Variants in MAP4K5 observed in about 807,000 individuals in gnomAD.
MAP4K5 encodes the protein mitogen-activated protein kinase kinase kinase kinase 5.
MAP4K5 carries 82 observed loss-of-function variants against 135.6 expected under a neutral mutation model. The ratio of observed to expected loss-of-function variants is 0.60; its 90% CI spans 0.51 to 0.73. The LOEUF is 0.73. Among genes scored for constraint, MAP4K5 ranks in the 30% least tolerant of loss-of-function variants. MAP4K5 has a pLI of 0.00. For missense variants in MAP4K5, 907 were observed against 1,010.9 expected (o/e 0.90, Z 1.39); for synonymous variants, 347 against 335.0 (o/e 1.04, Z -0.39).
chr14:50,438,891 T>C (rs1156498830), intron 23 of MAP4K5, among the ~76,000 whole-genome samples: 1 of 152,130 alleles, frequency 6.6e-6, no homozygotes, highest in Admixed American at 6.6e-5. Flanking sequence ...GTACCCTGTG[T>C]AATTTTTAAG....
chr14:50,527,077 C>T (rs2038281880), intron 2 of MAP4K5, among the ~76,000 whole-genome samples: 1 of 152,160 alleles, frequency 6.6e-6, no homozygotes, highest in Non-Finnish European at 1.5e-5. Context: ...TGTGGTGGCT[C>T]ACCCTGTAAT....
At chr14:50,490,109 GAGAGAC>G (rs1301520819) in intron 3 of MAP4K5, among the ~76,000 whole-genome samples, 1 of 137,324 alleles carries the variant, frequency 7.3e-6, no homozygotes, top group Non-Finnish European at 1.6e-5. Context: ...GACAGACAGA[GAGAGAC>G]AGAGAGCGAG....
Position 50,437,949 on chromosome 14 carries a change from G to GT in MAP4K5, c.1767dup (p.Pro590ThrfsTer29). 2 of 1,612,620 alleles carry GT rather than the reference G, an allele frequency of 1.2e-6. No homozygotes were observed. The highest frequency in any genetic ancestry group is 1.7e-6 in the Non-Finnish European group (2 of 1,179,014). ...GTTTGAATATGGGCAGCTAATCCTGGTTTTTTGGCATGTTCAAACAAAGCT... is the reference window on the plus strand; with the variant it reads ...GTTTGAATATGGGCAGCTAATCCTGGTTTTTTTGGCATGTTCAAACAAAGCT... On this transcript the variant is annotated frameshift_variant, in exon 25 of 33. Coordinates refer to ENST00000682126, the MANE Select transcript of MAP4K5 (RefSeq NM_006575.6). LOFTEE classifies it high-confidence loss of function.
At chr14:50,560,662 G>A (rs1321361573) in intron 1 of MAP4K5, among the ~76,000 whole-genome samples, 1 of 152,238 alleles carries the variant, frequency 6.6e-6, no homozygotes, top group Non-Finnish European at 1.5e-5. Context: ...GGTGGGCAGG[G>A]GGCTGTTGTT....
chr14:50,537,155 A>C (rs1478540338), upstream of MAP4K5, among the ~76,000 whole-genome samples: 1 of 152,178 alleles, frequency 6.6e-6, no homozygotes, highest in Non-Finnish European at 1.5e-5. Flanking sequence ...TGCAGCCTAG[A>C]GACTTGGTGC....
chr14:50,462,197 T>C (rs2036726047), intron 13 of MAP4K5, among the ~76,000 whole-genome samples: 1 of 152,222 alleles, frequency 6.6e-6, no homozygotes, highest in Non-Finnish European at 1.5e-5. Context: ...TTTGTTTTCT[T>C]GGTTGAAAGC....
chr14:50,524,654 A>G (rs1566695434), intron 2 of MAP4K5, among the ~76,000 whole-genome samples: 1 of 152,100 alleles, frequency 6.6e-6, no homozygotes, highest in Non-Finnish European at 1.5e-5. Flanking sequence ...CCCAAAGAGT[A>G]GGCGATAAGA....
upstream of MAP4K5, among the ~76,000 whole-genome samples, chr14:50,534,082 T>C (rs1160532034): frequency 6.6e-6 from 1 of 152,248 alleles, no homozygotes; most frequent in Non-Finnish European, 1.5e-5. Context: ...AAATGTTCTA[T>C]TGGTATCTTA....
At chr14:50,483,474 AG>A (rs1002974045) in intron 5 of MAP4K5, among the ~76,000 whole-genome samples, 48 of 152,096 alleles carry the variant, frequency 3.2e-4, no homozygotes, top group African/African-American at 1.4e-4. Context: ...CTACCCATTC[AG>A]GAACATAAAT....
intron 16 of MAP4K5, among the ~76,000 whole-genome samples, chr14:50,446,617 T>C (rs958852285): frequency 5.9e-5 from 9 of 152,200 alleles, no homozygotes; most frequent in African/African-American, 2.2e-4. Flanking sequence ...CACACACTTA[T>C]CCACAGTCAT....
Position 50,440,388 on chromosome 14 carries a change from C to T in MAP4K5, c.1618G>A (p.Glu540Lys). ...TGTTCCATCGTTGCCTCATGTAGCT[C>T]ATTGAGATTCAGTGTGTAAATACCA... ...EDGIYTLNLN[E>K]LHEATMEQLF... Residue 540 changes from glutamate to lysine, a missense_variant, in exon 22 of 33, where the codon GAG becomes AAG. This residue lies in a region of MAP4K5 where 690 missense variants were observed against 777.4 expected (regional missense o/e 0.89). Transcript: ENST00000682126. 6.2e-7 allele frequency: 1 copy of T among 1,603,862 alleles called. No individual in the cohort carries two copies. Among genetic ancestry groups the T allele is most frequent in the South Asian group, 1.1e-5 (1 of 89,856 alleles).
intron 1 of MAP4K5, chr14:50,559,421 T>C (rs1166875763): frequency 6.6e-6 from 1 of 152,222 alleles, no homozygotes; most frequent in Non-Finnish European, 1.5e-5. Flanking sequence ...AGATTGAAAG[T>C]ATTTTTATTT....
chr14:50,450,123 G>C (rs1486961083), intron 14 of MAP4K5: 1 of 152,016 alleles, frequency 6.6e-6, no homozygotes, highest in African/African-American at 2.4e-5. Flanking sequence ...TCCATTTTCA[G>C]TAGAGATGGG....
intron 18 of MAP4K5, 92 bp downstream of exon 18, chr14:50,444,949 G>T: frequency 1.5e-6 from 2 of 1,314,924 alleles, no homozygotes; most frequent in South Asian, 1.5e-5. Context: ...AGGAACAAAT[G>T]ACTCTCATTT....
chr14:50,513,086 T>C (rs74724314), intron 2 of MAP4K5, among the ~76,000 whole-genome samples: 5,294 of 152,310 alleles, frequency 0.035, 94 homozygotes, highest in Middle Eastern at 0.058. Flanking sequence ...ATTTAACTCT[T>C]ATTAATCAGG....
chr14:50,515,987 A>T (rs939382959), intron 2 of MAP4K5, among the ~76,000 whole-genome samples: 1 of 152,094 alleles, frequency 6.6e-6, no homozygotes, highest in Non-Finnish European at 1.5e-5. Flanking sequence ...ACATCTTCCT[A>T]ATCTAAATCA....
chr14:50,433,908 C>T (rs1056586241), intron 28 of MAP4K5, among the ~76,000 whole-genome samples: 2 of 152,076 alleles, frequency 1.3e-5, no homozygotes, highest in Non-Finnish European at 2.9e-5. Flanking sequence ...AATAAACTTC[C>T]CATTTTTTTC....
At chr14:50,553,357 C>G (rs764414353) in intron 1 of MAP4K5, among the ~76,000 whole-genome samples, 2 of 151,202 alleles carry the variant, frequency 1.3e-5, no homozygotes, top group African/African-American at 2.4e-5. Flanking sequence ...TGAAAAAATG[C>G]TCAAAATCAC....
chr14:50,458,296 C>T (rs2036634464), intron 13 of MAP4K5, among the ~76,000 whole-genome samples: 1 of 152,078 alleles, frequency 6.6e-6, no homozygotes, highest in Non-Finnish European at 1.5e-5. Context: ...TTCCATCTTG[C>T]TTCCCTTGAC....
Sources: gnomAD v4.1 joint callset for allele counts (sites outside exome capture counted in the v4.1 genomes callset) on GRCh38, gnomAD v4.1.1 for gene constraint, gnomAD v4.1.1 regional missense constraint, MANE v1.5 for transcripts, NCBI Gene and HGNC (gene_info 2026-07-23, HGNC 2026-07-21) for gene names.